The following RSRC1 variants were observed in gnomAD, a reference collection of about 807,000 sequenced individuals.
RSRC1 encodes arginine and serine rich coiled-coil 1, also known as serine/Arginine-related protein 53.
In RSRC1, 39 loss-of-function variants were observed where a neutral mutation model predicts 49.1. The observed-to-expected ratio is 0.79, with a 90% CI of 0.61 to 1.04. The LOEUF (loss-of-function observed/expected upper bound fraction) is 1.04, where lower values mean the gene tolerates loss of function less well. RSRC1 is among the 50% of genes least tolerant of loss of function. The pLI is 0.00. For synonymous variants in RSRC1, 143 were observed against 130.8 expected, an observed-to-expected ratio of 1.09 and a Z score of -0.63; for missense variants, 388 against 402.4, an observed-to-expected ratio of 0.96 and a Z score of 0.31.
At chr3:158,255,428 C>G (rs1406322566) in intron 4 of RSRC1, among the ~76,000 whole-genome samples, 1 of 152,130 alleles carries the variant, frequency 6.6e-6, no homozygotes, top group African/African-American at 2.4e-5. Flanking sequence ...GTCTATATCT[C>G]TGTTTTGGTA....
At chr3:158,138,493 C>T (rs914285083) in intron 3 of RSRC1, among the ~76,000 whole-genome samples, 1 of 152,138 alleles carries the variant, frequency 6.6e-6, no homozygotes, top group African/African-American at 2.4e-5. Context: ...TGGGCAGGGC[C>T]CAGCCCAGAG....
chr3:158,194,865 A>G (rs1427836948), intron 3 of RSRC1, among the ~76,000 whole-genome samples: 2 of 152,060 alleles, frequency 1.3e-5, no homozygotes, highest in East Asian at 1.9e-4. Context: ...CATGGTGTAT[A>G]TGTGCCACAT....
At chr3:158,485,495 G>A (rs757576499) in intron 7 of RSRC1, among the ~76,000 whole-genome samples, 4 of 151,956 alleles carry the variant, frequency 2.6e-5, no homozygotes, top group Admixed American at 2.0e-4. Context: ...ATAACACCAC[G>A]GTTCTGCCTC....
chr3:158,446,306 C>T (rs572652741), intron 6 of RSRC1, among the ~76,000 whole-genome samples: 2 of 151,578 alleles, frequency 1.3e-5, no homozygotes, highest in Non-Finnish European at 2.9e-5. Context: ...TAAACTCTGC[C>T]ATATAGAATT....
intron 6 of RSRC1, among the ~76,000 whole-genome samples, chr3:158,386,170 AAAG>A (rs1004101836): frequency 1.1e-4 from 17 of 152,234 alleles, no homozygotes; most frequent in African/African-American, 4.1e-4. Context: ...TGCTTTAAAA[AAAG>A]GCATTTTTTA....
chr3:158,467,898 C>G (rs1403054302), intron 7 of RSRC1, among the ~76,000 whole-genome samples: 1 of 152,196 alleles, frequency 6.6e-6, no homozygotes, highest in East Asian at 1.9e-4. Flanking sequence ...AGCACAGAAG[C>G]AACTCCATTT....
At chr3:158,252,506 A>G (rs1272724424) in intron 4 of RSRC1, among the ~76,000 whole-genome samples, 1 of 152,064 alleles carries the variant, frequency 6.6e-6, no homozygotes, top group Non-Finnish European at 1.5e-5. Context: ...TATTTTGTTG[A>G]GGATTTTTGC....
At chr3:158,295,390 G>A (rs1467587145) in intron 4 of RSRC1, among the ~76,000 whole-genome samples, 1 of 152,092 alleles carries the variant, frequency 6.6e-6, no homozygotes, top group Non-Finnish European at 1.5e-5. Context: ...CAGTATGGTA[G>A]GATACTGTAG....
intron 6 of RSRC1, among the ~76,000 whole-genome samples, chr3:158,433,325 C>G (rs765798794): frequency 1.2e-4 from 19 of 152,032 alleles, no homozygotes; most frequent in Non-Finnish European, 2.4e-4. Flanking sequence ...TTGAAATTCT[C>G]CAGGTTACTT....
At chr3:158,110,325 C>T (rs1270758308) in intron 1 of RSRC1, 102 bp downstream of exon 1, 1 of 152,434 alleles carries the variant, frequency 6.6e-6, no homozygotes, top group East Asian at 1.9e-4. Context: ...CAGTTTGCGG[C>T]TCAGTGTCTG....
rs530381555 is a variant in RSRC1 at position 158,274,676 on chromosome 3, A to G, written c.495-23363A>G. On this transcript the variant is annotated intron_variant, in intron 4 of 9. Transcript: ENST00000611884. ...TTTACACTCAAACTCAACCTGGAAA[A>G]CAGTAGCCTAGTCTCCTGGAAGCCG... is the stretch of plus-strand genomic sequence containing the variant. Among the ~76,000 whole-genome samples the G allele has an allele frequency of 3.3e-5, 5 of 152,290 alleles. No homozygotes were observed. In the South Asian group the frequency reaches 1.0e-3, roughly 32 times the overall value.
At position 158,537,142 on chromosome 3, in the gene RSRC1, A is replaced by G. The variant is rs1294248873; in HGVS notation, c.703A>G (p.Ile235Val). 18 of 1,602,640 alleles carry G rather than the reference A, an allele frequency of 1.1e-5. No homozygotes were observed. Among genetic ancestry groups the G allele is most frequent in the Admixed American group, 1.7e-5 (1 of 58,008 alleles). The change falls in exon 8 of 10, where the codon ATT becomes GTT. Residue 235 changes from isoleucine (I) to valine (V), a missense_variant. Ile to Val is a conservative substitution (Grantham distance 29). Transcript: ENST00000611884. ...QVKRVKEIEA[I>V]ESDSFVQQTF... The stretch of plus-strand genomic sequence containing the variant: ...AAAAAGAGTAAAAGAAATTGAAGCT[A>G]TTGAAAGTGATTCTTTTGTTCAGCA...
intron 1 of RSRC1, among the ~76,000 whole-genome samples, chr3:158,110,800 A>G (rs1714337077): frequency 1.3e-5 from 2 of 152,142 alleles, no homozygotes; most frequent in South Asian, 4.1e-4. Flanking sequence ...TAAACACACT[A>G]TATATTCCTT....
At chr3:158,311,898 AT>A (rs1236633563) in intron 5 of RSRC1, among the ~76,000 whole-genome samples, 2 of 151,996 alleles carry the variant, frequency 1.3e-5, no homozygotes, top group Non-Finnish European at 2.9e-5. Flanking sequence ...GAGTGGGGAA[AT>A]TTTTTTCTTT....
chr3:158,179,475 G>A (rs1719453385), intron 3 of RSRC1, among the ~76,000 whole-genome samples: 2 of 152,212 alleles, frequency 1.3e-5, no homozygotes, highest in East Asian at 1.9e-4. Context: ...ATTTAAGAAC[G>A]TTTTTTAAAT....
chr3:158,184,381 G>T (rs1397583458), intron 3 of RSRC1, among the ~76,000 whole-genome samples: 1 of 151,540 alleles, frequency 6.6e-6, no homozygotes, highest in African/African-American at 2.4e-5. Flanking sequence ...CTTTCCTCTT[G>T]TCCCTGAGCA....
chr3:158,121,670 A>G (rs1431429003), intron 1 of RSRC1, among the ~76,000 whole-genome samples: 1 of 152,222 alleles, frequency 6.6e-6, no homozygotes, highest in Non-Finnish European at 1.5e-5. Context: ...GGAATGTGAG[A>G]ATAAAGGAAT....
At chr3:158,437,646 A>G (rs1736125569) in intron 6 of RSRC1, among the ~76,000 whole-genome samples, 2 of 152,280 alleles carry the variant, frequency 1.3e-5, no homozygotes, top group African/African-American at 4.8e-5. Context: ...TACACTAGGT[A>G]TTGATGGAAC....
intron 3 of RSRC1, among the ~76,000 whole-genome samples, chr3:158,181,389 G>A (rs1719615246): frequency 6.6e-6 from 1 of 152,214 alleles, no homozygotes; most frequent in Non-Finnish European, 1.5e-5. Context: ...CTGGGAAAGT[G>A]TCTGTATTTG....
Sources: gnomAD v4.1 joint callset for allele counts (sites outside exome capture counted in the v4.1 genomes callset) on GRCh38, gnomAD v4.1.1 for gene constraint, MANE v1.5 for transcripts, NCBI Gene and HGNC (gene_info 2026-07-23, HGNC 2026-07-21) for gene names.